CDKN2B-AS1: variants seen among roughly 807,000 people sequenced by gnomAD.
CDKN2B-AS1 encodes the protein CDKN2B and CDKN2A antisense cis and trans regulatory RNA 1.
At chr9:22,028,877 G>A (rs1822349262) in intron 1 of CDKN2B-AS1, among the ~76,000 whole-genome samples, 1 of 152,012 alleles carries the variant, frequency 6.6e-6, no homozygotes, top group African/African-American at 2.4e-5. Flanking sequence ...AAGTATAATT[G>A]TAACAATGAT....
chr9:22,091,519 G>T (rs1825083747), intron 4 of CDKN2B-AS1, among the ~76,000 whole-genome samples: 1 of 152,142 alleles, frequency 6.6e-6, no homozygotes, highest in South Asian at 2.1e-4. Context: ...GTGGTTTGTA[G>T]TTCTCCTTGA....
At chr9:22,090,082 G>GT (rs1216643391) in intron 4 of CDKN2B-AS1, among the ~76,000 whole-genome samples, 2 of 149,518 alleles carry the variant, frequency 1.3e-5, no homozygotes, top group East Asian at 2.0e-4. Context: ...GCAGTGTTTG[G>GT]TTTTTTGTCC....
chr9:22,047,967 T>C (rs1430719102), intron 2 of CDKN2B-AS1, among the ~76,000 whole-genome samples: 1 of 151,824 alleles, frequency 6.6e-6, no homozygotes, highest in Non-Finnish European at 1.5e-5. Flanking sequence ...TTTGTATTTT[T>C]TTTTTTTTGT....
chr9:22,096,147 C>A (rs1825268594), intron 4 of CDKN2B-AS1, among the ~76,000 whole-genome samples: 1 of 152,128 alleles, frequency 6.6e-6, no homozygotes, highest in Non-Finnish European at 1.5e-5. Context: ...CAATACAGTG[C>A]ATCTGGGAAA....
At chr9:22,009,373 A>C in intron 1 of CDKN2B-AS1, 1 of 338,970 alleles carries the variant, frequency 3.0e-6, no homozygotes, top group Non-Finnish European at 5.5e-6. Context: ...CCACCCCCTT[A>C]GGCTCCGCCC....
intron 1 of CDKN2B-AS1, among the ~76,000 whole-genome samples, chr9:22,021,879 A>T (rs1822032781): frequency 6.6e-6 from 1 of 152,138 alleles, no homozygotes; most frequent in Non-Finnish European, 1.5e-5. Flanking sequence ...AGTTTCAAAG[A>T]ACTTCTTGAT....
intron 4 of CDKN2B-AS1, among the ~76,000 whole-genome samples, chr9:22,095,943 A>C (rs1039842914): frequency 1.3e-5 from 2 of 151,820 alleles, no homozygotes; most frequent in African/African-American, 2.4e-5. Flanking sequence ...TGCTTGGTAG[A>C]TCTTCCTCCA....
intron 4 of CDKN2B-AS1, chr9:22,113,747 C>A (rs1170970535): frequency 6.6e-6 from 1 of 151,252 alleles, no homozygotes; most frequent in Non-Finnish European, 1.5e-5. Context: ...TACTGTATCT[C>A]ATTGGGGATA....
At position 22,018,290 on chromosome 9, in the gene CDKN2B-AS1, A is replaced by C. The variant is rs1821865300; in HGVS notation, n.29+23129A>C. Among the ~76,000 whole-genome samples, 3 of 151,038 alleles carry C rather than the reference A, an allele frequency of 2.0e-5. No homozygotes were observed. In the South Asian group the frequency reaches 6.3e-4, roughly 32 times the overall value. ...GTTTTCTCCACAGCTTTGGATCCTG[A>C]TGACTTTTTTTTTTTTAATTGTTAC... On this transcript the variant is annotated intron_variant and non_coding_transcript_variant, in intron 1 of 4. Coordinates refer to ENST00000650946, the Ensembl canonical transcript of CDKN2B-AS1.
chr9:22,111,997 T>C (rs1338902214), intron 4 of CDKN2B-AS1: 3 of 152,332 alleles, frequency 2.0e-5, no homozygotes, highest in South Asian at 4.1e-4. Context: ...CTGGAGAAAC[T>C]TGGATGAGTT....
intron 1 of CDKN2B-AS1, among the ~76,000 whole-genome samples, chr9:22,013,711 C>T (rs147046435): frequency 6.6e-5 from 10 of 152,276 alleles, no homozygotes; most frequent in South Asian, 2.1e-4. Flanking sequence ...CCTCGGCCCC[C>T]CAAAGTGCTG....
In CDKN2B-AS1 at chr9:21,996,027, A is replaced by G. The variant is rs1052455933; in HGVS notation, n.29+866A>G. On this transcript the variant is annotated intron_variant and non_coding_transcript_variant, in intron 1 of 4. Coordinates refer to ENST00000650946, the Ensembl canonical transcript of CDKN2B-AS1. The surrounding 1 kb of genome is among the most constrained non-coding windows in gnomAD (Gnocchi z 5.4). Reference sequence around the variant, plus strand: ...TTCATGCGCTTGGGCCTAGTGGCCTAGTTGAAGAAGTGGAACCACAGCGTG... The same window carrying G: ...TTCATGCGCTTGGGCCTAGTGGCCTGGTTGAAGAAGTGGAACCACAGCGTG... 6.6e-6 allele frequency: 1 copy of G among 152,450 alleles called. No homozygotes were observed. The highest frequency in any genetic ancestry group is 1.5e-5 in the Non-Finnish European group (1 of 68,252). The allele number at this position is 152,450 out of a possible 1,614,324, so 9.4% of individuals were successfully genotyped here. A position where few individuals can be genotyped will look rare whatever the true frequency, so the allele number is the denominator to read the frequency against.
Position 22,055,277 on chromosome 9 carries a change from A to G in CDKN2B-AS1, n.303-975A>G, listed in dbSNP as rs538716080. 3.3e-5 allele frequency among the ~76,000 whole-genome samples: 5 copies of G among 152,288 alleles called. No individual in the cohort carries two copies. The South Asian group carries it at 8.3e-4, about 25-fold the overall frequency. On this transcript the variant is annotated intron_variant and non_coding_transcript_variant, in intron 3 of 4. Transcript: ENST00000650946. Reference sequence around the variant, plus strand: ...TGCATGCCATATTTTTGTGGTGAGAACATTTATGATCTACTCTCTTAGCAA... The same window carrying G: ...TGCATGCCATATTTTTGTGGTGAGAGCATTTATGATCTACTCTCTTAGCAA...
intron 4 of CDKN2B-AS1, among the ~76,000 whole-genome samples, chr9:22,098,620 A>G (rs2891168): frequency 0.41 from 62,343 of 152,066 alleles, 14,116 homozygotes; most frequent in Middle Eastern, 0.64. Context: ...TGTTTGGAAC[A>G]CCAACTCTGT....
At chr9:22,031,773 A>C (rs1054072065) in intron 1 of CDKN2B-AS1, among the ~76,000 whole-genome samples, 3 of 152,174 alleles carry the variant, frequency 2.0e-5, no homozygotes, top group African/African-American at 7.2e-5. Flanking sequence ...TGCTCATACC[A>C]ATAGAATATG....
rs34297943 is a variant in CDKN2B-AS1, at chr9:21,997,480, GGAGAGA to G, written n.29+2338_29+2343del. Among the ~76,000 whole-genome samples, 51 of 146,124 alleles carry G rather than the reference GGAGAGA, an allele frequency of 3.5e-4. No homozygotes were observed. The highest frequency in any genetic ancestry group is 8.6e-4 in the African/African-American group (34 of 39,666). On this transcript the variant is annotated intron_variant and non_coding_transcript_variant, in intron 1 of 4. Transcript: ENST00000650946. The surrounding 1 kb of genome is among the most constrained non-coding windows in gnomAD (Gnocchi z 4.8). ...ATGTGGGGGAGAGAAAGAGAGGGAG[GGAGAGA>G]GAGAGAGAGAGAGAGAGAAAGAGAA...
In CDKN2B-AS1 at chr9:22,102,465, G is replaced by A. The variant is rs74772332; in HGVS notation, n.439-24638G>A. Among the ~76,000 whole-genome samples the A allele has an allele frequency of 8.9e-3, 1,354 of 152,256 alleles. 110 individuals carry two copies. In the East Asian group the frequency reaches 0.19, roughly 21 times the overall value. ...TCTAAAATCAAGACTTCTGATTTTA[G>A]TCTGTCCAAGAGCCTCTGCTGGTAG... On this transcript the variant is annotated intron_variant and non_coding_transcript_variant, in intron 4 of 4. Transcript: ENST00000650946.
At chr9:22,095,312 A>C (rs1051701299) in intron 4 of CDKN2B-AS1, among the ~76,000 whole-genome samples, 1 of 144,512 alleles carries the variant, frequency 6.9e-6, no homozygotes, top group African/African-American at 2.9e-5. Flanking sequence ...AACTGGTTTC[A>C]AAGAACATCT....
At chr9:22,084,879 C>T (rs1315028552) in intron 4 of CDKN2B-AS1, among the ~76,000 whole-genome samples, 3 of 152,146 alleles carry the variant, frequency 2.0e-5, no homozygotes, top group Admixed American at 6.5e-5. Context: ...CAAGCTGAGT[C>T]ATACAGCTGA....
Sources: gnomAD v4.1 joint callset for allele counts (sites outside exome capture counted in the v4.1 genomes callset) on GRCh38, gnomAD v4.1.1 for gene constraint, Gnocchi (gnomAD v3.1) non-coding constraint, MANE v1.5 for transcripts, NCBI Gene and HGNC (gene_info 2026-07-23, HGNC 2026-07-21) for gene names.